Variants in CDKAL1 observed in about 807,000 individuals in gnomAD.
CDKAL1 encodes the protein threonylcarbamoyladenosine tRNA methylthiotransferase.
In CDKAL1, 32 loss-of-function variants were observed where a neutral mutation model predicts 68.2. The observed-to-expected ratio is 0.47, with a 90% CI of 0.35 to 0.63. CDKAL1 has a LOEUF of 0.63. Ranked by LOEUF, CDKAL1 falls within the 30% of genes least tolerant of loss-of-function variation. The pLI, the probability that CDKAL1 is intolerant of heterozygous loss-of-function variation, is 0.00. For missense variants in CDKAL1, 606 were observed against 696.7 expected, an observed-to-expected ratio of 0.87 and a Z score of 1.47; for synonymous variants, 234 against 244.3, an observed-to-expected ratio of 0.96 and a Z score of 0.39.
intron 5 of CDKAL1, among the ~76,000 whole-genome samples, chr6:20,736,944 G>A (rs1316637518): frequency 6.6e-6 from 1 of 152,020 alleles, no homozygotes; most frequent in South Asian, 2.1e-4. Flanking sequence ...CCAGTGTTAT[G>A]TTCTCAAAGT....
chr6:21,078,142 A>G (rs1440183742), intron 12 of CDKAL1, among the ~76,000 whole-genome samples: 1 of 152,196 alleles, frequency 6.6e-6, no homozygotes, highest in Non-Finnish European at 1.5e-5. Flanking sequence ...CCAGAACTAT[A>G]ATATAATAAA....
At chr6:20,879,027 C>T (rs4626408) in intron 9 of CDKAL1, among the ~76,000 whole-genome samples, 35,169 of 147,502 alleles carry the variant, frequency 0.24, 4,203 homozygotes, top group Middle Eastern at 0.31. Context: ...TGCAGTGAGC[C>T]GAGATCGCAC....
intron 11 of CDKAL1, among the ~76,000 whole-genome samples, chr6:21,013,231 A>C (rs1317397787): frequency 1.3e-5 from 2 of 152,182 alleles, no homozygotes; most frequent in East Asian, 3.9e-4. Flanking sequence ...CAGGACCCTC[A>C]GTCAAATTTA....
In CDKAL1 at chr6:20,750,110, G is replaced by T. The variant is rs145756468; in HGVS notation, c.469-8485G>T. Among the ~76,000 whole-genome samples, 736 of 152,156 alleles carry T rather than the reference G, an allele frequency of 4.8e-3. 27 individuals are homozygous for T. Among genetic ancestry groups the T allele is most frequent in the Admixed American group, 0.04 (610 of 15,268 alleles). On this transcript the variant is annotated intron_variant, in intron 6 of 15. Transcript: ENST00000274695. ...TAGACTATAAGGTCCATGAAGCAGG[G>T]ATGTTGTATTTTTTGTTTGTTTGAG...
intron 13 of CDKAL1, among the ~76,000 whole-genome samples, chr6:21,138,115 A>G (rs1214529146): frequency 6.6e-6 from 1 of 152,158 alleles, no homozygotes; most frequent in Non-Finnish European, 1.5e-5. Flanking sequence ...CTCAACCCCA[A>G]AATGTCTGGG....
chr6:20,706,712 C>T (rs1265045745), intron 5 of CDKAL1, among the ~76,000 whole-genome samples: 3 of 152,202 alleles, frequency 2.0e-5, no homozygotes, highest in African/African-American at 4.8e-5. Flanking sequence ...AGTACAGCAT[C>T]TGTTTCACCT....
intron 4 of CDKAL1, among the ~76,000 whole-genome samples, chr6:20,635,524 A>G (rs982807443): frequency 3.3e-5 from 5 of 152,192 alleles, no homozygotes; most frequent in African/African-American, 1.2e-4. Flanking sequence ...TTTGCATTAT[A>G]CACTTACTGG....
intron 12 of CDKAL1, among the ~76,000 whole-genome samples, chr6:21,098,472 G>T (rs1773422453): frequency 6.7e-6 from 1 of 148,572 alleles, no homozygotes; most frequent in Admixed American, 6.7e-5. Flanking sequence ...TGGATAGTTT[G>T]AAGAACTAGA....
chr6:20,758,977 CTG>C (rs1774352562), intron 7 of CDKAL1, among the ~76,000 whole-genome samples: 1 of 151,920 alleles, frequency 6.6e-6, no homozygotes, highest in African/African-American at 2.4e-5. Context: ...CCTGGGATCT[CTG>C]GGGGAGAAAG....
chr6:20,807,634 CCAAAAT>C (rs1776629992), intron 8 of CDKAL1, among the ~76,000 whole-genome samples: 3 of 5,952 alleles, frequency 5.0e-4, no homozygotes. Flanking sequence ...TAAAATTAAT[CCAAAAT>C]TAATCCAAAA....
chr6:20,944,490 G>A (rs941773337), intron 9 of CDKAL1, among the ~76,000 whole-genome samples: 1 of 152,142 alleles, frequency 6.6e-6, no homozygotes, highest in Admixed American at 6.5e-5. Context: ...GGGATTACAG[G>A]GGTGCACCAC....
At chr6:20,688,550 A>G (rs1770734498) in intron 5 of CDKAL1, among the ~76,000 whole-genome samples, 1 of 152,062 alleles carries the variant, frequency 6.6e-6, no homozygotes, top group Non-Finnish European at 1.5e-5. Flanking sequence ...AAGCTTGTCT[A>G]AGTCATTCTT....
intron 10 of CDKAL1, among the ~76,000 whole-genome samples, chr6:20,990,894 A>G (rs1766755031): frequency 6.6e-6 from 1 of 152,214 alleles, no homozygotes; most frequent in African/African-American, 2.4e-5. Flanking sequence ...TGCCAAAATA[A>G]CCATACTGAT....
chr6:20,785,358 C>T (rs886517442), intron 8 of CDKAL1, among the ~76,000 whole-genome samples: 4 of 146,992 alleles, frequency 2.7e-5, no homozygotes, highest in Admixed American at 2.1e-4. Flanking sequence ...CTCTGTCGCC[C>T]AGGCTGGAGT....
intron 11 of CDKAL1, among the ~76,000 whole-genome samples, chr6:21,048,310 C>G (rs564179869): frequency 6.6e-6 from 1 of 152,298 alleles, no homozygotes; most frequent in South Asian, 2.1e-4. Context: ...TTGCCAACCT[C>G]TGACCTGATC....
At chr6:20,630,421 GTC>G (rs968835142) in intron 4 of CDKAL1, among the ~76,000 whole-genome samples, 3 of 151,858 alleles carry the variant, frequency 2.0e-5, no homozygotes, top group Non-Finnish European at 4.4e-5. Context: ...TGCTGAATTT[GTC>G]TAGAAGGGTA....
intron 10 of CDKAL1, among the ~76,000 whole-genome samples, chr6:20,960,954 T>C (rs900572065): frequency 8.5e-5 from 13 of 152,336 alleles, no homozygotes; most frequent in African/African-American, 2.9e-4. Flanking sequence ...AACTTCTTTC[T>C]CCTCTTCCTG....
chr6:20,946,069 TATA>T (rs1278688331), intron 9 of CDKAL1, among the ~76,000 whole-genome samples: 1 of 152,242 alleles, frequency 6.6e-6, no homozygotes, highest in Non-Finnish European at 1.5e-5. Flanking sequence ...CACTGGCAAG[TATA>T]ATATACATAT....
At chr6:20,663,408 T>C (rs762527354) in intron 5 of CDKAL1, among the ~76,000 whole-genome samples, 3 of 152,108 alleles carry the variant, frequency 2.0e-5, no homozygotes, top group Non-Finnish European at 4.4e-5. Context: ...AGGTCCATTG[T>C]ATTGGAGGAG....
Sources: gnomAD v4.1 joint callset for allele counts (sites outside exome capture counted in the v4.1 genomes callset) on GRCh38, gnomAD v4.1.1 for gene constraint, MANE v1.5 for transcripts, NCBI Gene and HGNC (gene_info 2026-07-23, HGNC 2026-07-21) for gene names.